The following NLGN1 variants were observed in gnomAD, a reference collection of about 807,000 sequenced individuals.
The protein encoded by NLGN1 is neuroligin-1.
A neutral mutation model predicts 65.5 loss-of-function variants in NLGN1; 12 were observed. The ratio of observed to expected loss-of-function variants is 0.18; its 90% confidence interval spans 0.12 to 0.30. The LOEUF (loss-of-function observed/expected upper bound fraction) is 0.30, where lower values mean the gene tolerates loss of function less well. NLGN1 is among the 10% of genes least tolerant of loss of function. The pLI, the probability that NLGN1 is intolerant of heterozygous loss-of-function variation, is 1.00. For missense variants in NLGN1, 750 were observed against 1,007.1 expected, an observed-to-expected ratio of 0.74 and a Z score of 3.46; for synonymous variants, 350 against 359.5, an observed-to-expected ratio of 0.97 and a Z score of 0.30.
chr3:173,581,740 AT>A (rs934801318), intron 2 of NLGN1, among the ~76,000 whole-genome samples: 2 of 151,948 alleles, frequency 1.3e-5, no homozygotes, highest in Non-Finnish European at 2.9e-5. Context: ...TTGATATTTC[AT>A]TTTTTCAGAC....
In NLGN1 at chr3:173,783,149, G is replaced by A. The variant is rs909276604; in HGVS notation, c.494-24531G>A. Among the ~76,000 whole-genome samples the A allele has an allele frequency of 3.9e-5, 6 of 152,306 alleles. No individual in the cohort carries two copies. In the East Asian group the frequency reaches 7.7e-4, roughly 20 times the overall value. ...GGGGATGAGAGGTAGGAACAGGGAA[G>A]CTAAGGGTGGATGAGGGAGAAGCAT... On this transcript the variant is annotated intron_variant, in intron 3 of 6. Coordinates refer to ENST00000457714, the Ensembl canonical transcript of NLGN1.
At chr3:173,545,284 GGGTGGTCTCAAACCGCTGACCTCAGGT>G (rs1196526454) in intron 2 of NLGN1, among the ~76,000 whole-genome samples, 1 of 151,990 alleles carries the variant, frequency 6.6e-6, no homozygotes, top group Non-Finnish European at 1.5e-5. Flanking sequence ...GTGTTGGTCA[GGGTGGTCTCAAACCGCTGACCTCAGGT>G]GATCCACCCA....
rs1761586938 is a variant in NLGN1 at position 173,665,620 on chromosome 3, CTACTT to C, written c.493+60532_493+60536del. Among the ~76,000 whole-genome samples the C allele has an allele frequency of 2.0e-5, 3 of 152,136 alleles. No individual in the cohort carries two copies. In the South Asian group the frequency reaches 6.2e-4, roughly 31 times the overall value. On this transcript the variant is annotated intron_variant, in intron 3 of 6. Coordinates refer to ENST00000457714, the Ensembl canonical transcript of NLGN1. ...TGTGTAAACAGTGCTAATCTTCTGT[CTACTT>C]TAAATCTTGTTATCAAAAAAATTCT... is the stretch of plus-strand genomic sequence containing the variant.
intron 4 of NLGN1, among the ~76,000 whole-genome samples, chr3:173,815,168 C>A (rs1327145308): frequency 6.6e-6 from 1 of 150,690 alleles, no homozygotes; most frequent in Admixed American, 6.6e-5. Flanking sequence ...GTCACCCAGG[C>A]TGGAGTGCAG....
At chr3:174,152,423 A>G (rs888730544) in intron 4 of NLGN1, among the ~76,000 whole-genome samples, 2 of 152,092 alleles carry the variant, frequency 1.3e-5, no homozygotes, top group African/African-American at 4.8e-5. Context: ...GCATGTTCTC[A>G]CTCATAGGTG....
At position 173,945,687 on chromosome 3, in the gene NLGN1, A is replaced by G. The variant is rs147591169; in HGVS notation, c.646+137855A>G. ...CAAATATTAACATTATATGTTCAGT[A>G]TGTAAAATGTACTTTTTTCCCCACT... On this transcript the variant is annotated intron_variant, in intron 4 of 6. Coordinates refer to ENST00000457714, the Ensembl canonical transcript of NLGN1. 3.2e-3 allele frequency among the ~76,000 whole-genome samples: 494 copies of G among 152,302 alleles called. 2 individuals carry two copies. The highest frequency in any genetic ancestry group is 6.1e-3 in the Non-Finnish European group (418 of 68,026).
intron 1 of NLGN1, among the ~76,000 whole-genome samples, chr3:173,433,028 C>A (rs2148753557): frequency 6.6e-6 from 1 of 152,188 alleles, no homozygotes; most frequent in South Asian, 2.1e-4. Context: ...TGCACTAATA[C>A]CTAAAATTCT....
chr3:173,605,591 G>C (rs1414218697), intron 3 of NLGN1: 1 of 1,278,894 alleles, frequency 7.8e-7, no homozygotes, highest in African/African-American at 1.5e-5. Context: ...TGTAGAAAAG[G>C]AGGTATGTAT....
chr3:174,190,920 G>A (rs775057234), intron 4 of NLGN1, among the ~76,000 whole-genome samples: 4 of 151,932 alleles, frequency 2.6e-5, no homozygotes, highest in African/African-American at 4.8e-5. Context: ...AGGCAAATAC[G>A]AAGGGTTTGA....
chr3:173,445,322 G>A (rs2148816887), intron 2 of NLGN1, among the ~76,000 whole-genome samples: 1 of 149,414 alleles, frequency 6.7e-6, no homozygotes, highest in African/African-American at 2.5e-5. Context: ...GATCTATTAT[G>A]GTTTCCTGTC....
chr3:173,603,066 A>G (rs773106350), intron 2 of NLGN1, among the ~76,000 whole-genome samples: 1 of 152,150 alleles, frequency 6.6e-6, no homozygotes, highest in Non-Finnish European at 1.5e-5. Context: ...GCTGCCCTAT[A>G]TAGTTTTTAC....
chr3:173,400,256 T>C (rs1485613216), intron 1 of NLGN1, among the ~76,000 whole-genome samples: 1 of 152,132 alleles, frequency 6.6e-6, no homozygotes, highest in Non-Finnish European at 1.5e-5. Flanking sequence ...CTTAATATTA[T>C]TATTATTATT....
Position 173,608,129 on chromosome 3 carries a change from C to T in NLGN1, c.493+3038C>T, listed in dbSNP as rs1490877116. Among the ~76,000 whole-genome samples the T allele has an allele frequency of 6.2e-4, 94 of 151,814 alleles. 1 individual carries two copies. The highest frequency in any genetic ancestry group is 6.2e-3 in the Admixed American group (94 of 15,196). ...ATAAAAGAAAAGAAATCTTATCCCTCCTCCAAGAGATGTTGTTCTATAATT... is the reference window on the plus strand; with the variant it reads ...ATAAAAGAAAAGAAATCTTATCCCTTCTCCAAGAGATGTTGTTCTATAATT... On this transcript the variant is annotated intron_variant, in intron 3 of 6. Coordinates refer to ENST00000457714, the Ensembl canonical transcript of NLGN1.
At chr3:173,945,066 T>C (rs1183889898) in intron 4 of NLGN1, among the ~76,000 whole-genome samples, 1 of 152,080 alleles carries the variant, frequency 6.6e-6, no homozygotes, top group Non-Finnish European at 1.5e-5. Flanking sequence ...TGGATTGCTT[T>C]CTTCCAATCT....
chr3:173,577,025 T>C (rs938537763), intron 2 of NLGN1, among the ~76,000 whole-genome samples: 12 of 152,272 alleles, frequency 7.9e-5, no homozygotes, highest in South Asian at 4.1e-4. Context: ...CTTAGTTAAG[T>C]CATTTATCTT....
At chr3:173,451,439 A>T (rs1267388023) in intron 2 of NLGN1, among the ~76,000 whole-genome samples, 1 of 152,078 alleles carries the variant, frequency 6.6e-6, no homozygotes, top group Admixed American at 6.6e-5. Context: ...TCAGAGGAGT[A>T]CCTGGCCGTG....
chr3:173,498,416 G>A (rs1462622476), intron 2 of NLGN1, among the ~76,000 whole-genome samples: 2 of 151,768 alleles, frequency 1.3e-5, no homozygotes, highest in Admixed American at 1.3e-4. Context: ...GTATTCCATG[G>A]TGTATATGTG....
chr3:174,217,506 G>T (rs1302750281), intron 4 of NLGN1, among the ~76,000 whole-genome samples: 4 of 152,006 alleles, frequency 2.6e-5, no homozygotes, highest in African/African-American at 7.2e-5. Flanking sequence ...CCTCTATCAG[G>T]TTGCAGACTA....
chr3:173,469,739 G>A (rs971774722), intron 2 of NLGN1, among the ~76,000 whole-genome samples: 2 of 151,658 alleles, frequency 1.3e-5, no homozygotes, highest in African/African-American at 4.8e-5. Flanking sequence ...TACCCATCAA[G>A]CAATCTATCC....
Sources: gnomAD v4.1 joint callset for allele counts (sites outside exome capture counted in the v4.1 genomes callset) on GRCh38, gnomAD v4.1.1 for gene constraint, MANE v1.5 for transcripts, NCBI Gene and HGNC (gene_info 2026-07-23, HGNC 2026-07-21) for gene names.